NBAS: variants seen among roughly 807,000 people sequenced by gnomAD.
NBAS encodes the protein NAG/BC035112 fusion.
A neutral mutation model predicts 302.5 loss-of-function variants in NBAS; 219 were observed. The ratio of observed to expected loss-of-function variants is 0.72; its 90% CI spans 0.65 to 0.81. The LOEUF (loss-of-function observed/expected upper bound fraction) is 0.81, where lower values mean the gene tolerates loss of function less well. Ranked by LOEUF, NBAS falls within the 30% of genes least tolerant of loss-of-function variation. The pLI, the probability that NBAS is intolerant of heterozygous loss-of-function variation, is 0.00. For synonymous variants in NBAS, 1,118 were observed against 1,021.6 expected, an observed-to-expected ratio of 1.09 and a Z score of -1.80; for missense variants, 2,932 against 2,841.6, an observed-to-expected ratio of 1.03 and a Z score of -0.72.
chr2:15,215,310 G>A (rs753762126), intron 48 of NBAS, among the ~76,000 whole-genome samples: 1 of 152,166 alleles, frequency 6.6e-6, no homozygotes, highest in Non-Finnish European at 1.5e-5. Context: ...GAACCAGTGA[G>A]GTAGCAAGAA....
At chr2:15,033,059 G>C in the NBAS span, among the ~76,000 whole-genome samples, 1 of 152,204 alleles carries the variant, frequency 6.6e-6, no homozygotes, top group Non-Finnish European at 1.5e-5. Flanking sequence ...CAGGATCCCT[G>C]CCTGGCAGAG....
the NBAS span, among the ~76,000 whole-genome samples, chr2:14,924,562 T>C: frequency 0.36 from 54,488 of 152,164 alleles, 9,969 homozygotes; most frequent in African/African-American, 0.44. Context: ...GGAGCTGAGA[T>C]ACTCCCATCA....
At chr2:15,195,128 A>T (rs1472563530) in intron 48 of NBAS, among the ~76,000 whole-genome samples, 1 of 152,208 alleles carries the variant, frequency 6.6e-6, no homozygotes, top group Non-Finnish European at 1.5e-5. Context: ...AATTATTTAC[A>T]TGTATAGAAT....
chr2:14,868,710 TA>T, the NBAS span, among the ~76,000 whole-genome samples: 3 of 152,248 alleles, frequency 2.0e-5, no homozygotes, highest in African/African-American at 2.4e-5. Flanking sequence ...ATTTTGCTAC[TA>T]GACTGTCTTG....
chr2:14,825,248 G>T, the NBAS span, among the ~76,000 whole-genome samples: 2 of 152,126 alleles, frequency 1.3e-5, no homozygotes, highest in Admixed American at 6.5e-5. Flanking sequence ...GCCACCTGCA[G>T]GTGCAACTCA....
At chr2:14,855,132 G>T in the NBAS span, among the ~76,000 whole-genome samples, 1 of 152,006 alleles carries the variant, frequency 6.6e-6, no homozygotes, top group African/African-American at 2.4e-5. Context: ...CCCATTCCAG[G>T]CCTAGCTCCT....
At chr2:14,942,303 G>A in the NBAS span, among the ~76,000 whole-genome samples, 1 of 152,166 alleles carries the variant, frequency 6.6e-6, no homozygotes, top group Non-Finnish European at 1.5e-5. Context: ...GGGCCTGGTG[G>A]AAAGTGATTG....
At chr2:15,546,842 T>A (rs1234482751) in intron 6 of NBAS, among the ~76,000 whole-genome samples, 1 of 152,176 alleles carries the variant, frequency 6.6e-6, no homozygotes, top group Non-Finnish European at 1.5e-5. Flanking sequence ...AGTAAACTGA[T>A]GAGGCTGCTG....
At chr2:15,116,964 T>G in the NBAS span, among the ~76,000 whole-genome samples, 1 of 152,126 alleles carries the variant, frequency 6.6e-6, no homozygotes, top group Non-Finnish European at 1.5e-5. Context: ...TCTCTTTCTC[T>G]CTCTCATTAA....
At chr2:15,078,944 G>C in the NBAS span, among the ~76,000 whole-genome samples, 2 of 152,078 alleles carry the variant, frequency 1.3e-5, no homozygotes, top group Non-Finnish European at 2.9e-5. Context: ...CATCACGTAA[G>C]GGGTAAAAAA....
At chr2:15,307,801 C>T (rs1343860970) in intron 40 of NBAS, among the ~76,000 whole-genome samples, 1 of 151,278 alleles carries the variant, frequency 6.6e-6, no homozygotes, top group African/African-American at 2.5e-5. Context: ...ACTCTCATAC[C>T]TCTGGCTTAA....
At chr2:15,320,902 T>C (rs1671774616) in intron 38 of NBAS, among the ~76,000 whole-genome samples, 2 of 152,200 alleles carry the variant, frequency 1.3e-5, no homozygotes, top group South Asian at 4.1e-4. Context: ...TACTTTAAAG[T>C]TCATATGGAA....
At chr2:14,842,391 T>C in the NBAS span, among the ~76,000 whole-genome samples, 2 of 151,892 alleles carry the variant, frequency 1.3e-5, no homozygotes, top group African/African-American at 4.8e-5. Context: ...AGTTGGTTTT[T>C]GAAAAGGTAA....
chr2:15,104,172 T>C, the NBAS span, among the ~76,000 whole-genome samples: 8 of 152,204 alleles, frequency 5.3e-5, no homozygotes, highest in African/African-American at 1.4e-4. Context: ...GGAGTTCCCC[T>C]GCACAAGGTC....
At chr2:15,146,772 G>A in the NBAS span, among the ~76,000 whole-genome samples, 2 of 152,200 alleles carry the variant, frequency 1.3e-5, no homozygotes, top group South Asian at 4.2e-4. Context: ...GCTCAGCAGG[G>A]AGCCCCACAT....
At chr2:15,433,054 C>T (rs138703382) in intron 21 of NBAS, among the ~76,000 whole-genome samples, 4 of 152,176 alleles carry the variant, frequency 2.6e-5, no homozygotes, top group Non-Finnish European at 5.9e-5. Context: ...CCTCCCACCA[C>T]GAGTTTAATC....
At chr2:15,076,794 G>A in the NBAS span, among the ~76,000 whole-genome samples, 2 of 152,304 alleles carry the variant, frequency 1.3e-5, no homozygotes, top group South Asian at 4.1e-4. Flanking sequence ...TGCCTCTCTT[G>A]CAACTTCATT....
chr2:14,914,287 T>C, the NBAS span, among the ~76,000 whole-genome samples: 5 of 152,160 alleles, frequency 3.3e-5, no homozygotes, highest in African/African-American at 7.2e-5. Context: ...ACTAGACAGA[T>C]AAGACTGACA....
chr2:15,536,367 A>C, intron 8 of NBAS, 51 bp downstream of exon 8: 1 of 1,590,472 alleles, frequency 6.3e-7, no homozygotes, highest in African/African-American at 1.3e-5. Context: ...CTGACATTAA[A>C]CCAGAGAAAT....
Sources: gnomAD v4.1 joint callset for allele counts (sites outside exome capture counted in the v4.1 genomes callset) on GRCh38, gnomAD v4.1.1 for gene constraint, MANE v1.5 for transcripts, NCBI Gene and HGNC (gene_info 2026-07-23, HGNC 2026-07-21) for gene names.